The following TTC7B variants were observed in gnomAD, a reference collection of about 807,000 sequenced individuals.
TTC7B encodes tetratricopeptide repeat protein 7B.
Under a neutral mutation model 106.8 loss-of-function variants are expected in TTC7B, and 28 were observed. That is an observed-to-expected ratio of 0.26 (90% CI 0.19 to 0.36). The LOEUF is 0.36. Ranked by LOEUF, TTC7B falls within the 10% of genes least tolerant of loss-of-function variation. The pLI is 1.00. For synonymous variants in TTC7B, 405 were observed against 430.6 expected (o/e 0.94, Z 0.74); for missense variants, 862 against 1,076.4 (o/e 0.80, Z 2.79).
At chr14:90,602,025 G>A in intron 17 of TTC7B, 1 of 435,246 alleles carries the variant, frequency 2.3e-6, no homozygotes, top group Non-Finnish European at 4.6e-6. Flanking sequence ...ATTATGGACT[G>A]CTTTTAGGCC....
intron 8 of TTC7B, 129 bp downstream of exon 8, chr14:90,680,343 C>G (rs1887002084): frequency 1.5e-6 from 1 of 662,582 alleles, no homozygotes; most frequent in Admixed American, 3.0e-5. Flanking sequence ...TGTTTTTTCC[C>G]ATCCAGGTAT....
intron 5 of TTC7B, among the ~76,000 whole-genome samples, chr14:90,701,136 C>A (rs1887967519): frequency 6.6e-6 from 1 of 152,084 alleles, no homozygotes; most frequent in African/African-American, 2.4e-5. Flanking sequence ...CAGCTGCAGC[C>A]TGGATATAGT....
chr14:90,751,292 A>C (rs754251546), intron 3 of TTC7B, among the ~76,000 whole-genome samples: 3 of 152,266 alleles, frequency 2.0e-5, no homozygotes, highest in Non-Finnish European at 4.4e-5. Flanking sequence ...TGATTTAAAG[A>C]ACAATGAATT....
chr14:90,699,346 T>C (rs897868080), intron 5 of TTC7B: 53 of 394,454 alleles, frequency 1.3e-4, no homozygotes, highest in Non-Finnish European at 2.5e-4. Flanking sequence ...AATGAGTGGC[T>C]ACTTCAATAA....
At chr14:90,558,187 G>T (rs1184761924) in intron 19 of TTC7B, among the ~76,000 whole-genome samples, 3 of 152,262 alleles carry the variant, frequency 2.0e-5, no homozygotes, top group Admixed American at 1.3e-4. Context: ...GCCTGGCATG[G>T]CTGCCTGGGT....
chr14:90,567,146 C>A (rs1890833929), intron 19 of TTC7B, among the ~76,000 whole-genome samples: 1 of 152,232 alleles, frequency 6.6e-6, no homozygotes, highest in African/African-American at 2.4e-5. Context: ...CCCGCAAGAG[C>A]CTGAGGGTTT....
intron 3 of TTC7B, among the ~76,000 whole-genome samples, chr14:90,747,751 T>C (rs1481662122): frequency 6.6e-6 from 1 of 152,220 alleles, no homozygotes; most frequent in African/African-American, 2.4e-5. Flanking sequence ...AACTGTGCAT[T>C]TGCCTATTTC....
intron 5 of TTC7B, among the ~76,000 whole-genome samples, chr14:90,708,854 C>T (rs1888318471): frequency 6.6e-6 from 1 of 151,974 alleles, no homozygotes; most frequent in Admixed American, 6.6e-5. Context: ...AAACAAACAA[C>T]CCCATCAAAA....
At chr14:90,635,949 G>T (rs542435202) in intron 15 of TTC7B, among the ~76,000 whole-genome samples, 1 of 151,020 alleles carries the variant, frequency 6.6e-6, no homozygotes, top group Non-Finnish European at 1.5e-5. Flanking sequence ...GTGAAACCCC[G>T]TCTCTACTAA....
chr14:90,605,131 C>T (rs909869413), intron 17 of TTC7B, among the ~76,000 whole-genome samples: 4 of 152,164 alleles, frequency 2.6e-5, no homozygotes, highest in Middle Eastern at 6.3e-3. Context: ...GTGGTTTTAA[C>T]GCATGGTAAA....
intron 19 of TTC7B, among the ~76,000 whole-genome samples, chr14:90,554,974 C>G (rs115380603): frequency 0.017 from 2,644 of 152,228 alleles, 81 homozygotes; most frequent in African/African-American, 0.061. Flanking sequence ...GCAGCCCTGC[C>G]TGGGAGGTTG....
intron 5 of TTC7B, among the ~76,000 whole-genome samples, chr14:90,726,645 T>C (rs1889114486): frequency 6.6e-6 from 1 of 152,188 alleles, no homozygotes; most frequent in African/African-American, 2.4e-5. Flanking sequence ...TTCACCCTAC[T>C]ACACAGATAA....
rs534315609 is a variant in TTC7B at position 90,814,114 on chromosome 14, A to G, written c.121+2061T>C. 2.6e-5 allele frequency among the ~76,000 whole-genome samples: 4 copies of G among 152,280 alleles called. 1 individual carries two copies. The highest frequency in any genetic ancestry group is 9.6e-5 in the African/African-American group (4 of 41,554). On this transcript the variant is annotated intron_variant, in intron 1 of 19. Coordinates refer to ENST00000328459, the MANE Select transcript of TTC7B (RefSeq NM_001010854.2). ...AATCTATGTCCCATGAGTTTCCCCA[A>G]ACTGAACTTGCACACAGACCCATGG...
In TTC7B at chr14:90,610,819, C is replaced by G. The variant is rs570724352; in HGVS notation, c.1889G>C (p.Ser630Thr). Residue 630 changes from serine (S) to threonine (T), a missense_variant, in exon 17 of 20, where the codon AGC becomes ACC. Physicochemically the swap from Ser to Thr is moderately conservative, Grantham distance 58. Transcript: ENST00000328459. ...GTCAGCAATGGTTCTATCTAAGAGGCTGCTCCCACGTCCAGAATCACTGCA... is the reference window on the plus strand; with the variant it reads ...GTCAGCAATGGTTCTATCTAAGAGGGTGCTCCCACGTCCAGAATCACTGCA... ...TNPSDSGRGS[S>T]LLDRTIADRR... 6.2e-7 allele frequency: 1 copy of G among 1,613,928 alleles called. No individual in the cohort carries two copies. The highest frequency in any genetic ancestry group is 1.3e-5 in the African/African-American group (1 of 75,032).
intron 3 of TTC7B, among the ~76,000 whole-genome samples, chr14:90,770,890 T>A (rs976653850): frequency 2.6e-5 from 4 of 152,108 alleles, no homozygotes; most frequent in African/African-American, 9.7e-5. Context: ...CTGACACATG[T>A]TACAACATGG....
rs1258088981 is a variant in TTC7B, at chr14:90,540,352, T to TGG, written c.*1014_*1015dup. On this transcript the variant is annotated 3_prime_UTR_variant, in exon 20 of 20. Coordinates refer to ENST00000328459, the MANE Select transcript of TTC7B (RefSeq NM_001010854.2). Reference sequence around the variant, plus strand: ...CTGAGGTGGGAGGATCACCTGAACCTGGGAAGTCGAGGCTGCAGTGATCTG... The same window carrying TGG: ...CTGAGGTGGGAGGATCACCTGAACCTGGGGGAAGTCGAGGCTGCAGTGATCTG... 6.6e-6 allele frequency: 1 copy of TGG among 152,108 alleles called. No homozygotes were observed. The highest frequency in any genetic ancestry group is 2.4e-5 in the African/African-American group (1 of 41,410). The allele number at this position is 152,108 out of a possible 1,614,324, so 9.4% of individuals were successfully genotyped here. A position where few individuals can be genotyped will look rare whatever the true frequency, so the allele number is the denominator to read the frequency against.
At chr14:90,726,828 T>A (rs552402008) in intron 5 of TTC7B, among the ~76,000 whole-genome samples, 1 of 152,298 alleles carries the variant, frequency 6.6e-6, no homozygotes, top group East Asian at 1.9e-4. Context: ...AAGATGTTTT[T>A]TCAGCCTTAA....
chr14:90,732,656 G>C (rs773680271), intron 4 of TTC7B, among the ~76,000 whole-genome samples: 1 of 152,086 alleles, frequency 6.6e-6, no homozygotes, highest in African/African-American at 2.4e-5. Context: ...GAGATTACAG[G>C]CATGAGCCAC....
rs1458406538 is a variant in TTC7B, at chr14:90,657,334, C to T, written c.1237-56G>A. 1.4e-5 allele frequency: 21 copies of T among 1,555,536 alleles called. No individual in the cohort carries two copies. In the Admixed American group the frequency reaches 3.3e-4, roughly 24 times the overall value. On this transcript the variant is annotated intron_variant, in intron 10 of 19. Transcript: ENST00000328459. The surrounding 1 kb of genome is among the most constrained non-coding windows in gnomAD (Gnocchi z 4.2). ...TCAAAGTGTTTGACAGAACCGAATA[C>T]TACAGCCTTCTCAGAGGGGTTTTTG...
Sources: allele counts gnomAD v4.1 joint callset (sites outside exome capture counted in the v4.1 genomes callset), GRCh38; gene constraint gnomAD v4.1.1; non-coding constraint Gnocchi (gnomAD v3.1); transcripts MANE v1.5; gene names NCBI Gene and HGNC (gene_info 2026-07-23, HGNC 2026-07-21).